TMEM236: variants seen among roughly 807,000 people sequenced by gnomAD.
The protein encoded by TMEM236 is transmembrane protein 236, also known as family with sequence similarity 23, member A.
TMEM236 carries 11 observed loss-of-function variants against 14.7 expected under a neutral mutation model. The ratio of observed to expected loss-of-function variants is 0.75; its 90% confidence interval spans 0.47 to 1.24. The LOEUF (loss-of-function observed/expected upper bound fraction) is 1.24, where lower values mean the gene tolerates loss of function less well. Ranked by LOEUF, TMEM236 falls within the 50% of genes most tolerant of loss-of-function variation. The pLI is 0.00. For missense variants in TMEM236, 464 were observed against 427.3 expected, an observed-to-expected ratio of 1.09 and a Z score of -0.76; for synonymous variants, 182 against 168.6, an observed-to-expected ratio of 1.08 and a Z score of -0.62.
intron 3 of TMEM236, among the ~76,000 whole-genome samples, chr10:17,786,585 G>A (rs1837841039): frequency 6.6e-6 from 1 of 152,190 alleles, no homozygotes; most frequent in Admixed American, 6.5e-5. Flanking sequence ...CTATCTAGAA[G>A]AACACCGCTT....
At chr10:17,774,399 A>G (rs1470951129) in intron 2 of TMEM236, among the ~76,000 whole-genome samples, 3 of 152,184 alleles carry the variant, frequency 2.0e-5, no homozygotes, top group African/African-American at 4.8e-5. Context: ...TAGATTCACA[A>G]TACATCTGGA....
At chr10:17,752,970 T>C (rs1837231415) in intron 1 of TMEM236, among the ~76,000 whole-genome samples, 1 of 152,108 alleles carries the variant, frequency 6.6e-6, no homozygotes, top group African/African-American at 2.4e-5. Context: ...AGTTCAGGGG[T>C]AAAAGCGCAG....
intron 3 of TMEM236, among the ~76,000 whole-genome samples, chr10:17,788,576 C>T (rs1351991640): frequency 1.3e-5 from 2 of 148,850 alleles, no homozygotes; most frequent in African/African-American, 5.0e-5. Context: ...CATAGCAAGA[C>T]CCCATCTCTA....
chr10:17,786,006 A>G (rs573115353), intron 3 of TMEM236, among the ~76,000 whole-genome samples: 6 of 152,316 alleles, frequency 3.9e-5, no homozygotes, highest in Admixed American at 6.5e-5. Flanking sequence ...AGGTGCTATC[A>G]AAATTTTCAG....
intron 1 of TMEM236, among the ~76,000 whole-genome samples, chr10:17,760,493 G>C (rs896630735): frequency 2.0e-4 from 30 of 152,108 alleles, no homozygotes; most frequent in African/African-American, 6.5e-4. Context: ...ATTTTACTTT[G>C]GTGTTTTTGA....
At position 17,799,619 on chromosome 10, in the gene TMEM236, G is replaced by A. The variant is rs899707260; in HGVS notation, c.*3115G>A. The A allele has an allele frequency of 5.3e-5, 8 of 152,372 alleles. No homozygotes were observed. The highest frequency in any genetic ancestry group is 1.5e-4 in the African/African-American group (6 of 41,364). 9.4% of individuals were successfully genotyped at this position (152,372 alleles called of 1,614,324 possible). A position where few individuals can be genotyped will look rare whatever the true frequency, so the allele number is the denominator to read the frequency against. ...AATTATAATACAAGTAATTACTTTC[G>A]AATTCTGCCATGGGTATCTTTTTAT... On this transcript the variant is annotated 3_prime_UTR_variant, in exon 4 of 4. Transcript: ENST00000377495.
At chr10:17,774,767 T>A (rs1259859934) in intron 2 of TMEM236, among the ~76,000 whole-genome samples, 1 of 150,858 alleles carries the variant, frequency 6.6e-6, no homozygotes, top group African/African-American at 2.4e-5. Flanking sequence ...CATTTTTCCT[T>A]CCTTCCTCCC....
chr10:17,778,263 C>T (rs1394929703), intron 3 of TMEM236, among the ~76,000 whole-genome samples: 1 of 152,152 alleles, frequency 6.6e-6, no homozygotes, highest in Non-Finnish European at 1.5e-5. Context: ...AATAAATTCA[C>T]ACTTAAAAAA....
chr10:17,754,678 C>T (rs1837257752), intron 1 of TMEM236, among the ~76,000 whole-genome samples: 1 of 152,044 alleles, frequency 6.6e-6, no homozygotes, highest in Admixed American at 6.6e-5. Flanking sequence ...TTCTGTTACC[C>T]TTGTAGGGGA....
At chr10:17,754,858 C>T (rs900377779) in intron 1 of TMEM236, among the ~76,000 whole-genome samples, 6 of 152,222 alleles carry the variant, frequency 3.9e-5, no homozygotes, top group East Asian at 1.9e-4. Flanking sequence ...CTGATTCTTA[C>T]TCATCTTGGA....
At chr10:17,777,558 AGCTGGGATTCTAGCTGTGCACG>A (rs1486129195) in intron 3 of TMEM236, among the ~76,000 whole-genome samples, 1 of 152,152 alleles carries the variant, frequency 6.6e-6, no homozygotes. Context: ...CCTCCTGAGT[AGCTGGGATTCTAGCTGTGCACG>A]GCTGCACCCA....
intron 1 of TMEM236, among the ~76,000 whole-genome samples, chr10:17,768,679 A>G (rs1278947488): frequency 6.6e-6 from 1 of 152,036 alleles, no homozygotes; most frequent in Non-Finnish European, 1.5e-5. Context: ...AACAATAAAC[A>G]AAGAATCAGC....
chr10:17,772,501 G>A (rs71497209), intron 2 of TMEM236, among the ~76,000 whole-genome samples: 14,021 of 152,146 alleles, frequency 0.092, 1,252 homozygotes, highest in African/African-American at 0.23. Context: ...ACATCACTGC[G>A]GTAAACTGAT....
chr10:17,757,157 C>T (rs1837295635), intron 1 of TMEM236, among the ~76,000 whole-genome samples: 2 of 151,912 alleles, frequency 1.3e-5, no homozygotes, highest in Admixed American at 1.3e-4. Flanking sequence ...AGAGAAGCAG[C>T]CACTGAGCAC....
rs1838009579 is a variant in TMEM236, at chr10:17,796,105, C to G, written c.657C>G (p.Ser219=). 1 of 1,613,764 alleles carries G rather than the reference C, an allele frequency of 6.2e-7. No individual in the cohort carries two copies. Among genetic ancestry groups the G allele is most frequent in the Admixed American group, 1.7e-5 (1 of 59,980 alleles). The part of the protein sequence containing the change: ...ESVFMGPQEP[S]CDSGILRMMS... ...TGTTCATGGGACCCCAGGAGCCCTC[C>G]TGTGACTCCGGAATCCTGAGAATGA... Residue 219 remains serine, a synonymous_variant, in exon 4 of 4, where the codon TCC becomes TCG. Transcript: ENST00000377495.
intron 3 of TMEM236, among the ~76,000 whole-genome samples, chr10:17,779,027 G>A (rs1211440321): frequency 1.3e-5 from 2 of 152,058 alleles, no homozygotes; most frequent in Admixed American, 6.6e-5. Context: ...TCTGTAGCAC[G>A]GCAGTCTCAC....
Position 17,778,206 on chromosome 10 carries a change from G to T in TMEM236, c.472+2036G>T, listed in dbSNP as rs1055502275. On this transcript the variant is annotated intron_variant, in intron 3 of 3. Transcript: ENST00000377495. The stretch of plus-strand genomic sequence containing the variant: ...GAGCCTCCTTCTTGAGCTGTTCTCC[G>T]TCCAAATTTAGGAAGATTAGTGTCT... Among the ~76,000 whole-genome samples, 20 of 152,184 alleles carry T rather than the reference G, an allele frequency of 1.3e-4. No individual in the cohort carries two copies. The East Asian group carries it at 3.3e-3, about 25-fold the overall frequency.
rs1554834794 is a variant in TMEM236 at position 17,771,294 on chromosome 10, T to C, written c.258-15T>C. The C allele has an allele frequency of 1.2e-6, 2 of 1,613,208 alleles. No homozygotes were observed. Among genetic ancestry groups the C allele is most frequent in the Non-Finnish European group, 1.7e-6 (2 of 1,179,148 alleles). On this transcript the variant is annotated splice_polypyrimidine_tract_variant and intron_variant, in intron 1 of 3. Transcript: ENST00000377495. ...TGTCCATGATTGCTTTGGCTTATTTTTTCTCCTTTGCTAGGAGACCTGTTC... is the reference window on the plus strand; with the variant it reads ...TGTCCATGATTGCTTTGGCTTATTTCTTCTCCTTTGCTAGGAGACCTGTTC...
intron 3 of TMEM236, among the ~76,000 whole-genome samples, chr10:17,790,777 T>G (rs1424655873): frequency 1.3e-5 from 2 of 152,170 alleles, no homozygotes; most frequent in Non-Finnish European, 2.9e-5. Flanking sequence ...CTAACCATTT[T>G]CCCCTTGGGA....
Sources: gnomAD v4.1 joint callset for allele counts (sites outside exome capture counted in the v4.1 genomes callset) on GRCh38, gnomAD v4.1.1 for gene constraint, MANE v1.5 for transcripts, NCBI Gene and HGNC (gene_info 2026-07-23, HGNC 2026-07-21) for gene names.